Variants in RALYL observed in about 807,000 individuals in gnomAD.
The protein encoded by RALYL is RALY RNA binding protein like.
Under a neutral mutation model 35.1 loss-of-function variants are expected in RALYL, and 29 were observed. That is an observed-to-expected ratio of 0.83 (90% CI 0.61 to 1.13). RALYL has a LOEUF of 1.13. Among genes scored for constraint, RALYL ranks in the 50% most tolerant of loss-of-function variants. The pLI is 0.00. For missense variants in RALYL, 359 were observed against 360.4 expected, an observed-to-expected ratio of 1.00 and a Z score of 0.03; for synonymous variants, 120 against 127.6, an observed-to-expected ratio of 0.94 and a Z score of 0.40.
At chr8:84,756,570 C>T (rs540363561) in intron 2 of RALYL, among the ~76,000 whole-genome samples, 2 of 152,284 alleles carry the variant, frequency 1.3e-5, no homozygotes, top group East Asian at 3.9e-4. Context: ...GTAACACACA[C>T]ACCTATCTTC....
intron 2 of RALYL, among the ~76,000 whole-genome samples, chr8:84,669,336 C>T (rs1832726438): frequency 6.6e-6 from 1 of 152,070 alleles, no homozygotes. Context: ...TTGGAACACC[C>T]ATGTGCTTCT....
intron 2 of RALYL, among the ~76,000 whole-genome samples, chr8:84,550,044 A>C (rs148765270): frequency 1.3e-5 from 2 of 152,304 alleles, no homozygotes; most frequent in Non-Finnish European, 2.9e-5. Context: ...TGTTTGGTGG[A>C]GCCAATACTC....
chr8:84,354,082 C>A lies in RALYL; in HGVS notation c.-24+169658C>A, dbSNP rs571914463. ...AAAAATAGATTTTTTTTTTTTCACA[C>A]AGCCCTTTAAAAGAAAGTGTATTGT... On this transcript the variant is annotated intron_variant, in intron 1 of 8. Transcript: ENST00000521268. Among the ~76,000 whole-genome samples, 69 of 148,098 alleles carry A rather than the reference C, an allele frequency of 4.7e-4. 1 individual carries two copies. The South Asian group carries it at 0.015, about 31-fold the overall frequency.
intron 3 of RALYL, among the ~76,000 whole-genome samples, chr8:84,796,070 G>A (rs1354606427): frequency 6.6e-6 from 1 of 152,160 alleles, no homozygotes; most frequent in Non-Finnish European, 1.5e-5. Flanking sequence ...GTGAGTACAT[G>A]CTTGAGGTCA....
intron 2 of RALYL, among the ~76,000 whole-genome samples, chr8:84,638,303 G>A (rs759703920): frequency 2.0e-5 from 3 of 151,952 alleles, no homozygotes; most frequent in Non-Finnish European, 4.4e-5. Flanking sequence ...CTGGGACACA[G>A]CAAGTGTGGT....
At chr8:84,317,206 G>A (rs183476145) in intron 1 of RALYL, among the ~76,000 whole-genome samples, 1 of 150,032 alleles carries the variant, frequency 6.7e-6, no homozygotes, top group African/African-American at 2.5e-5. Context: ...ATACAGCAAA[G>A]AGATTGAAAA....
intron 2 of RALYL, among the ~76,000 whole-genome samples, chr8:84,761,335 C>T (rs1812655855): frequency 6.6e-6 from 1 of 151,624 alleles, no homozygotes; most frequent in Admixed American, 6.6e-5. Context: ...GGATATGATA[C>T]ATAAGTCAAA....
chr8:84,458,001 G>C (rs1217034062), intron 1 of RALYL, among the ~76,000 whole-genome samples: 1 of 151,734 alleles, frequency 6.6e-6, no homozygotes, highest in Non-Finnish European at 1.5e-5. Flanking sequence ...TTCTGACATA[G>C]AGCACATCCT....
At chr8:84,572,055 ATATG>A (rs930614164) in intron 2 of RALYL, among the ~76,000 whole-genome samples, 1 of 151,742 alleles carries the variant, frequency 6.6e-6, no homozygotes, top group African/African-American at 2.4e-5. Flanking sequence ...TTCTATGCAT[ATATG>A]TATATTCTGC....
chr8:84,789,384 G>A (rs1023790941), intron 3 of RALYL, among the ~76,000 whole-genome samples: 1 of 152,174 alleles, frequency 6.6e-6, no homozygotes, highest in African/African-American at 2.4e-5. Flanking sequence ...TACAACATCA[G>A]TGGCAAAGAC....
chr8:84,618,337 G>A (rs1257571416), intron 2 of RALYL, among the ~76,000 whole-genome samples: 10 of 151,594 alleles, frequency 6.6e-5, no homozygotes, highest in African/African-American at 1.2e-4. Context: ...TGTATGTGTC[G>A]AGGAATTTAT....
chr8:84,438,398 A>G (rs1053134545), intron 1 of RALYL, among the ~76,000 whole-genome samples: 1 of 151,632 alleles, frequency 6.6e-6, no homozygotes, highest in African/African-American at 2.4e-5. Context: ...TTATTTATTT[A>G]TTTATTTAGA....
chr8:84,594,898 G>A (rs1814119104), intron 2 of RALYL, among the ~76,000 whole-genome samples: 1 of 151,562 alleles, frequency 6.6e-6, no homozygotes, highest in Admixed American at 6.6e-5. Context: ...ACACTTTTAT[G>A]AACCTTGAGC....
chr8:84,211,846 CATA>C (rs1413385610), intron 1 of RALYL, among the ~76,000 whole-genome samples: 2 of 151,946 alleles, frequency 1.3e-5, no homozygotes, highest in Non-Finnish European at 2.9e-5. Context: ...TCTGTGGAGA[CATA>C]ATAATAATAG....
At chr8:84,480,109 T>C (rs7839325) in intron 1 of RALYL, among the ~76,000 whole-genome samples, 5,998 of 152,240 alleles carry the variant, frequency 0.039, 240 homozygotes, top group African/African-American at 0.099. Context: ...GACTCGTTAT[T>C]CTTATTGTGT....
At chr8:84,436,171 A>G (rs1437835540) in intron 1 of RALYL, among the ~76,000 whole-genome samples, 2 of 152,094 alleles carry the variant, frequency 1.3e-5, no homozygotes, top group Non-Finnish European at 2.9e-5. Context: ...AGAAGATTAA[A>G]TATTATTAAA....
At chr8:84,508,197 C>T (rs146527162) in intron 1 of RALYL, among the ~76,000 whole-genome samples, 4 of 151,808 alleles carry the variant, frequency 2.6e-5, no homozygotes, top group Non-Finnish European at 5.9e-5. Flanking sequence ...AGTTCACATG[C>T]CTTGAAAAAA....
chr8:84,407,998 A>G (rs1195541343), intron 1 of RALYL, among the ~76,000 whole-genome samples: 4 of 152,130 alleles, frequency 2.6e-5, no homozygotes. Context: ...CGTAACCACT[A>G]TAACATATCT....
chr8:84,716,805 T>A (rs1455868199), intron 2 of RALYL, among the ~76,000 whole-genome samples: 1 of 152,218 alleles, frequency 6.6e-6, no homozygotes, highest in Non-Finnish European at 1.5e-5. Flanking sequence ...AAAAATTTAT[T>A]TGATTTTGAA....
Sources: allele counts gnomAD v4.1 joint callset (sites outside exome capture counted in the v4.1 genomes callset), GRCh38; gene constraint gnomAD v4.1.1; transcripts MANE v1.5; gene names NCBI Gene and HGNC (gene_info 2026-07-23, HGNC 2026-07-21).